PVALB: variants seen among roughly 807,000 people sequenced by gnomAD.
PVALB encodes parvalbumin alpha.
Under a neutral mutation model 10.9 loss-of-function variants are expected in PVALB, and 11 were observed. The observed-to-expected ratio is 1.01, with a 90% CI of 0.63 to 1.67. The LOEUF is 1.67. Among genes scored for constraint, PVALB ranks in the 40% most tolerant of loss-of-function variants. The probability of loss-of-function intolerance (pLI) is 0.00; values close to 1 mark genes in which losing one functional copy is unlikely to be tolerated. For synonymous variants in PVALB, 57 were observed against 50.7 expected (o/e 1.12, Z -0.53); for missense variants, 131 against 136.2 (o/e 0.96, Z 0.19).
At chr22:36,801,514 T>C (rs1403955169) in intron 3 of PVALB, among the ~76,000 whole-genome samples, 1 of 152,172 alleles carries the variant, frequency 6.6e-6, no homozygotes, top group Non-Finnish European at 1.5e-5. Context: ...TGCAGTGTTG[T>C]CTTGGCTGGG....
chr22:36,817,052 G>A, upstream of PVALB: 1 of 1,561,880 alleles, frequency 6.4e-7, no homozygotes, highest in Non-Finnish European at 8.7e-7. Flanking sequence ...AGATTAAAAA[G>A]TGCTTTTCTC....
At chr22:36,808,420 G>C (rs1226975732) in intron 3 of PVALB, among the ~76,000 whole-genome samples, 1 of 152,024 alleles carries the variant, frequency 6.6e-6, no homozygotes, top group African/African-American at 2.4e-5. Context: ...GAGGGTCCTG[G>C]CTGGACCACC....
Position 36,800,858 on chromosome 22 carries a change from A to G in PVALB, c.*32T>C. ...GGCCGAGATTGGGTGTTCAGGGCAG[A>G]GAGGTGGAAGACCAGGGGCAGTCAG... On this transcript the variant is annotated 3_prime_UTR_variant, in exon 4 of 4. Coordinates refer to ENST00000417718, the MANE Select transcript of PVALB (RefSeq NM_001315532.2). 1 of 1,589,728 alleles carries G rather than the reference A, an allele frequency of 6.3e-7. No homozygotes were observed. Among genetic ancestry groups the G allele is most frequent in the Non-Finnish European group, 8.6e-7 (1 of 1,157,746 alleles).
chr22:36,806,999 G>T, intron 3 of PVALB, among the ~76,000 whole-genome samples: 1 of 152,194 alleles, frequency 6.6e-6, no homozygotes, highest in East Asian at 1.9e-4. Context: ...CCACCAAGCA[G>T]CTGCTCCCTT....
chr22:36,810,178 C>T (rs1007168768), intron 3 of PVALB, among the ~76,000 whole-genome samples: 8 of 152,186 alleles, frequency 5.3e-5, no homozygotes, highest in African/African-American at 1.4e-4. Context: ...CCACTGCGCC[C>T]GGCATGCCCC....
At chr22:36,815,674 G>C (rs565533337) in intron 1 of PVALB, among the ~76,000 whole-genome samples, 1 of 152,136 alleles carries the variant, frequency 6.6e-6, no homozygotes, top group Non-Finnish European at 1.5e-5. Context: ...TTCTTTCTTG[G>C]CCACAGACTT....
intron 3 of PVALB, among the ~76,000 whole-genome samples, chr22:36,811,074 G>A (rs975843170): frequency 1.3e-5 from 2 of 152,164 alleles, no homozygotes; most frequent in Admixed American, 6.5e-5. Context: ...TCAGGAGTTC[G>A]AGACCAGCCT....
chr22:36,811,563 G>A, intron 3 of PVALB: 1 of 466,916 alleles, frequency 2.1e-6, no homozygotes, highest in Non-Finnish European at 4.4e-6. Context: ...AGATCTGAGT[G>A]TGGCAGGGAG....
At chr22:36,803,766 A>G (rs1232446700) in intron 3 of PVALB, among the ~76,000 whole-genome samples, 1 of 152,132 alleles carries the variant, frequency 6.6e-6, no homozygotes, top group Non-Finnish European at 1.5e-5. Flanking sequence ...TTAGGGATCA[A>G]CAAGTTCTGA....
intron 3 of PVALB, among the ~76,000 whole-genome samples, chr22:36,802,275 A>C (rs1401904640): frequency 6.6e-6 from 1 of 152,124 alleles, no homozygotes; most frequent in Non-Finnish European, 1.5e-5. Context: ...CACACACACA[A>C]AAGCCAAACC....
At chr22:36,817,845 T>C (rs1939171645), upstream of PVALB, among the ~76,000 whole-genome samples, 1 of 152,154 alleles carries the variant, frequency 6.6e-6, no homozygotes. Context: ...ATAAACCTTT[T>C]TTGGGCAGAG....
intron 2 of PVALB, 52 bp from the exon 3 acceptor site, chr22:36,813,807 T>G: frequency 7.4e-7 from 1 of 1,358,862 alleles, no homozygotes; most frequent in Non-Finnish European, 1.1e-6. Flanking sequence ...GAGGTCGCCT[T>G]GCAGGACGCT....
Position 36,801,099 on chromosome 22 carries a change from A to C in PVALB, c.305-181T>G, listed in dbSNP as rs368290991. Among the ~76,000 whole-genome samples the C allele has an allele frequency of 7.9e-5, 12 of 152,270 alleles. No homozygotes were observed. In the East Asian group the frequency reaches 1.3e-3, roughly 17 times the overall value. On this transcript the variant is annotated intron_variant, in intron 3 of 3. Transcript: ENST00000417718. Reference sequence around the variant, plus strand: ...AATGAATGAATGAGCAGATGAGTGAAGTGAGGTGGGAAATGATGGGCCTAC... The same window carrying C: ...AATGAATGAATGAGCAGATGAGTGACGTGAGGTGGGAAATGATGGGCCTAC...
In PVALB at chr22:36,814,957, C is replaced by A. The variant is rs533160973; in HGVS notation, c.194+146G>T. On this transcript the variant is annotated intron_variant, in intron 2 of 3. Transcript: ENST00000417718. Reference sequence around the variant, plus strand: ...AGCCTTCTCCCCTGGTGCCCTGGGTCGGAGCCCTGCCTTCACGCACGGTTA... The same window carrying A: ...AGCCTTCTCCCCTGGTGCCCTGGGTAGGAGCCCTGCCTTCACGCACGGTTA... 37 of 1,079,744 alleles carry A rather than the reference C, an allele frequency of 3.4e-5. No homozygotes were observed. In the Admixed American group the frequency reaches 8.6e-4, roughly 25 times the overall value. 66.9% of individuals were successfully genotyped at this position (1,079,744 alleles called of 1,614,324 possible).
rs1378995108 is a variant in PVALB at position 36,800,823 on chromosome 22, T to G, written c.*67A>C. On this transcript the variant is annotated 3_prime_UTR_variant, in exon 4 of 4. Coordinates refer to ENST00000417718, the MANE Select transcript of PVALB (RefSeq NM_001315532.2). ...CGAACTGAACAGAAATGCAGGAGGGTGGCGAGAGGGGCCGAGATTGGGTGT... is the reference window on the plus strand; with the variant it reads ...CGAACTGAACAGAAATGCAGGAGGGGGGCGAGAGGGGCCGAGATTGGGTGT... The G allele has an allele frequency of 6.6e-7, 1 of 1,503,810 alleles. No homozygotes were observed. Among genetic ancestry groups the G allele is most frequent in the African/African-American group, 1.4e-5 (1 of 72,314 alleles). The allele number at this position is 1,503,810 out of a possible 1,614,324, so 93.2% of individuals were successfully genotyped here.
chr22:36,803,741 G>C (rs1938909080), intron 3 of PVALB, among the ~76,000 whole-genome samples: 1 of 151,980 alleles, frequency 6.6e-6, no homozygotes, highest in African/African-American at 2.4e-5. Flanking sequence ...GGATGGGATA[G>C]CTCACGAGTC....
At chr22:36,802,674 C>G (rs1004432487) in intron 3 of PVALB, among the ~76,000 whole-genome samples, 1 of 151,088 alleles carries the variant, frequency 6.6e-6, no homozygotes, top group Non-Finnish European at 1.5e-5. Flanking sequence ...GGGACACGTA[C>G]CTGGGTGCCT....
chr22:36,817,702 T>C (rs984980002), upstream of PVALB, among the ~76,000 whole-genome samples: 1 of 152,188 alleles, frequency 6.6e-6, no homozygotes, highest in Non-Finnish European at 1.5e-5. Context: ...AAACCTGATT[T>C]GATGTTTTAC....
At chr22:36,807,199 C>T (rs1219981810) in intron 3 of PVALB, among the ~76,000 whole-genome samples, 2 of 152,184 alleles carry the variant, frequency 1.3e-5, no homozygotes, top group East Asian at 3.9e-4. Context: ...AGTCAGGAGA[C>T]CCGGGTCCCG....
Sources: allele counts gnomAD v4.1 joint callset (sites outside exome capture counted in the v4.1 genomes callset), GRCh38; gene constraint gnomAD v4.1.1; transcripts MANE v1.5; gene names NCBI Gene and HGNC (gene_info 2026-07-23, HGNC 2026-07-21).